RCOR3: variants seen among roughly 807,000 people sequenced by gnomAD.
RCOR3 encodes REST corepressor 3.
RCOR3 carries 13 observed loss-of-function variants against 64.1 expected under a neutral mutation model. That is an observed-to-expected ratio of 0.20 (90% CI 0.13 to 0.32). The LOEUF (loss-of-function observed/expected upper bound fraction) is 0.32, where lower values mean the gene tolerates loss of function less well. Ranked by LOEUF, RCOR3 falls within the 10% of genes least tolerant of loss-of-function variation. The pLI, the probability that RCOR3 is intolerant of heterozygous loss-of-function variation, is 1.00. For missense variants in RCOR3, 489 were observed against 701.2 expected (o/e 0.70, Z 3.42); for synonymous variants, 215 against 239.0 (o/e 0.90, Z 0.93).
intron 1 of RCOR3, 62 bp from the exon 2 acceptor site, chr1:211,260,046 T>C: frequency 6.7e-7 from 1 of 1,500,818 alleles, no homozygotes; most frequent in Non-Finnish European, 8.8e-7. Flanking sequence ...AAGTGTCTCT[T>C]CCTTTTTCTT....
rs1404056395 is a variant in RCOR3, at chr1:211,312,819, G to C, written c.1175G>C (p.Arg392Pro). ...AACTTCTTTGTAAACTACAGGCGTC[G>C]GTTTAACTTAGAGGAGGTATTGCAG... ...VKNFFVNYRRRFNLEEVLQEW... is the reference protein window; with the variant it reads ...VKNFFVNYRRPFNLEEVLQEW... Residue 392 changes from arginine to proline, a missense_variant, in exon 11 of 12, where the codon CGG becomes CCG. Coordinates refer to ENST00000419091, the MANE Select transcript of RCOR3 (RefSeq NM_001136223.3). The surrounding 1 kb of genome is among the most constrained non-coding windows in gnomAD (Gnocchi z 5.0). The C allele has an allele frequency of 6.2e-7, 1 of 1,614,020 alleles. No individual in the cohort carries two copies. The highest frequency in any genetic ancestry group is 8.5e-7 in the Non-Finnish European group (1 of 1,180,030).
chr1:211,289,075 A>T, intron 7 of RCOR3, 103 bp from the exon 8 acceptor site: 1 of 829,340 alleles, frequency 1.2e-6, no homozygotes, highest in African/African-American at 1.7e-5. Flanking sequence ...GTGTTTTTTT[A>T]TGTGTACTTA....
At chr1:211,298,961 C>T (rs1399502490) in intron 9 of RCOR3, among the ~76,000 whole-genome samples, 2 of 151,440 alleles carry the variant, frequency 1.3e-5, no homozygotes, top group African/African-American at 2.4e-5. Flanking sequence ...GAGCTGAGAT[C>T]GCGCCACTGC....
chr1:211,302,549 GA>G (rs1443469190), intron 9 of RCOR3: 2 of 152,130 alleles, frequency 1.3e-5, no homozygotes, highest in African/African-American at 2.4e-5. Flanking sequence ...TGTATAGTCA[GA>G]AAAGATACGC....
chr1:211,290,294 C>T (rs914165734), intron 8 of RCOR3, among the ~76,000 whole-genome samples: 4 of 152,126 alleles, frequency 2.6e-5, no homozygotes, highest in Non-Finnish European at 5.9e-5. Context: ...CTAGGTCTTC[C>T]CCAAAAGATT....
At chr1:211,286,764 T>C (rs890037532) in intron 7 of RCOR3, among the ~76,000 whole-genome samples, 7 of 152,212 alleles carry the variant, frequency 4.6e-5, no homozygotes, top group Non-Finnish European at 7.4e-5. Flanking sequence ...ATTTATATAC[T>C]AGTTTTGTGC....
intron 2 of RCOR3, among the ~76,000 whole-genome samples, chr1:211,266,200 C>G (rs1028333261): frequency 6.6e-6 from 1 of 152,012 alleles, no homozygotes; most frequent in African/African-American, 2.4e-5. Context: ...TAATTTAGAA[C>G]CTAGTATATA....
Position 211,313,047 on chromosome 1 carries a change from G to T in RCOR3, c.1317+86G>T, listed in dbSNP as rs1701654628. The stretch of plus-strand genomic sequence containing the variant: ...TTCTGTAAGGTTAATTTGTCAAGAG[G>T]ACTAGCTAAATTGAGCATGAAAGGT... On this transcript the variant is annotated intron_variant, in intron 11 of 11. Transcript: ENST00000419091. The surrounding 1 kb of genome is among the most constrained non-coding windows in gnomAD (Gnocchi z 4.7). 6.3e-7 allele frequency: 1 copy of T among 1,595,876 alleles called. No homozygotes were observed. Among genetic ancestry groups the T allele is most frequent in the South Asian group, 1.1e-5 (1 of 88,612 alleles).
chr1:211,281,850 G>A (rs529774993), intron 7 of RCOR3, among the ~76,000 whole-genome samples: 31 of 152,186 alleles, frequency 2.0e-4, no homozygotes, highest in African/African-American at 7.0e-4. Flanking sequence ...AGTGGTACTT[G>A]TTTACTCATA....
intron 9 of RCOR3, among the ~76,000 whole-genome samples, chr1:211,300,071 C>CTTTTTTTTTT (rs11419492): frequency 3.3e-5 from 4 of 121,298 alleles, no homozygotes; most frequent in Admixed American, 9.5e-5. Context: ...TTCTTTCTTT[C>CTTTTTTTTTT]TTTTTTTTTT....
At chr1:211,275,745 T>C (rs1696869051) in intron 4 of RCOR3, among the ~76,000 whole-genome samples, 1 of 152,202 alleles carries the variant, frequency 6.6e-6, no homozygotes, top group Non-Finnish European at 1.5e-5. Flanking sequence ...AAAAAATTGT[T>C]AAAGTTGCAG....
At chr1:211,281,838 T>C (rs1465068073) in intron 7 of RCOR3, among the ~76,000 whole-genome samples, 1 of 152,222 alleles carries the variant, frequency 6.6e-6, no homozygotes, top group Non-Finnish European at 1.5e-5. Context: ...CTAATTCTAC[T>C]GAGTGGTACT....
chr1:211,306,383 G>A (rs1404189819), intron 10 of RCOR3, among the ~76,000 whole-genome samples: 1 of 151,486 alleles, frequency 6.6e-6, no homozygotes, highest in East Asian at 1.9e-4. Flanking sequence ...AAAAAGTATG[G>A]TAAACCTTCA....
intron 8 of RCOR3, among the ~76,000 whole-genome samples, chr1:211,293,411 G>T (rs1699478724): frequency 1.3e-5 from 2 of 152,232 alleles, no homozygotes; most frequent in East Asian, 1.9e-4. Context: ...CTAACTTCTT[G>T]CCTTTTCACC....
Position 211,263,017 on chromosome 1 carries a change from CCCCCCTG to C in RCOR3, c.223+2859_223+2865del, listed in dbSNP as rs531696396. On this transcript the variant is annotated intron_variant, in intron 2 of 11. Transcript: ENST00000419091. ...AGGTATATCTCCTAATGTTATCCCT[CCCCCCTG>C]CCCCCACCCCACAACAGTCCCCAGA... Among the ~76,000 whole-genome samples the C allele has an allele frequency of 0.012, 1,204 of 96,696 alleles. 16 individuals are homozygous for C. In the Middle Eastern group the frequency reaches 0.13, roughly 10 times the overall value. 63.4% of individuals were successfully genotyped at this position (96,696 alleles called of 152,430 possible).
At chr1:211,279,582 C>G (rs1261812414) in intron 7 of RCOR3, among the ~76,000 whole-genome samples, 1 of 152,188 alleles carries the variant, frequency 6.6e-6, no homozygotes, top group Non-Finnish European at 1.5e-5. Context: ...TAGTGACTCT[C>G]ATTCTTCTGA....
At chr1:211,282,017 G>A (rs182702449) in intron 7 of RCOR3, among the ~76,000 whole-genome samples, 23 of 152,214 alleles carry the variant, frequency 1.5e-4, no homozygotes, top group Admixed American at 1.5e-3. Flanking sequence ...ATATAAACCT[G>A]AAAACTTAAG....
chr1:211,263,232 A>G (rs1220194385), intron 2 of RCOR3, among the ~76,000 whole-genome samples: 3 of 151,832 alleles, frequency 2.0e-5, no homozygotes, highest in Non-Finnish European at 2.9e-5. Context: ...ATAGTATTCC[A>G]TGGTGTATAT....
intron 10 of RCOR3, among the ~76,000 whole-genome samples, chr1:211,310,132 C>T (rs559350480): frequency 2.0e-5 from 3 of 152,232 alleles, no homozygotes; most frequent in Non-Finnish European, 2.9e-5. Context: ...TGTAGTAATG[C>T]TAGTGCTGCT....
Sources: allele counts gnomAD v4.1 joint callset (sites outside exome capture counted in the v4.1 genomes callset), GRCh38; gene constraint gnomAD v4.1.1; non-coding constraint Gnocchi (gnomAD v3.1); transcripts MANE v1.5; gene names NCBI Gene and HGNC (gene_info 2026-07-23, HGNC 2026-07-21).